GPHN: variants seen among roughly 807,000 people sequenced by gnomAD.
GPHN encodes the protein gephyrin.
Under a neutral mutation model 95.5 loss-of-function variants are expected in GPHN, and 17 were observed. The ratio of observed to expected loss-of-function variants is 0.18; its 90% CI spans 0.12 to 0.27. The LOEUF (loss-of-function observed/expected upper bound fraction) is 0.27. GPHN is among the 10% of genes least tolerant of loss of function. The pLI is 1.00. For synonymous variants in GPHN, 320 were observed against 322.5 expected, an observed-to-expected ratio of 0.99 and a Z score of 0.08; for missense variants, 660 against 978.1, an observed-to-expected ratio of 0.67 and a Z score of 4.34.
the GPHN span, among the ~76,000 whole-genome samples, chr14:67,618,878 T>A: frequency 6.6e-6 from 1 of 152,360 alleles, no homozygotes; most frequent in East Asian, 1.9e-4. Context: ...GGAGTTATGG[T>A]GTTGCCATGG....
intron 9 of GPHN, among the ~76,000 whole-genome samples, chr14:67,010,273 G>A (rs1025670982): frequency 6.5e-5 from 9 of 137,700 alleles, no homozygotes; most frequent in Non-Finnish European, 8.4e-5. Flanking sequence ...AGAATAGGCC[G>A]GGCGCGGTGG....
chr14:67,179,965 G>A (rs1182637617), intron 22 of GPHN, among the ~76,000 whole-genome samples: 1 of 152,166 alleles, frequency 6.6e-6, no homozygotes, highest in Non-Finnish European at 1.5e-5. Flanking sequence ...TGATATGTTT[G>A]TTCAACCAAT....
At chr14:66,910,039 A>G (rs1378754142) in intron 5 of GPHN, among the ~76,000 whole-genome samples, 1 of 151,954 alleles carries the variant, frequency 6.6e-6, no homozygotes. Context: ...ATCAAAATGG[A>G]TTTAATAAAT....
chr14:66,869,535 G>A (rs923555039), intron 4 of GPHN, among the ~76,000 whole-genome samples: 1 of 152,132 alleles, frequency 6.6e-6, no homozygotes, highest in African/African-American at 2.4e-5. Flanking sequence ...CCTAATTTCA[G>A]TATTCTACTT....
In GPHN at chr14:66,825,004, A is replaced by G. The variant is rs538073334; in HGVS notation, c.294+438A>G. On this transcript the variant is annotated intron_variant, in intron 4 of 22. Coordinates refer to ENST00000478722, the MANE Select transcript of GPHN (RefSeq NM_020806.5). ...ACTGATTTTACAGTACTTTTGTTGA[A>G]AAGGGATATATTTTCCACAATTCTA... Among the ~76,000 whole-genome samples the G allele has an allele frequency of 3.9e-5, 6 of 152,284 alleles. No homozygotes were observed. The East Asian group carries it at 1.2e-3, about 29-fold the overall frequency.
Position 66,583,651 on chromosome 14 carries a change from C to T in GPHN, c.64+75060C>T, listed in dbSNP as rs541395298. ...CATTTATTAAATAGGGAATCCTTTC[C>T]CCATTGCTTGTTTTTGTCAGGTTTG... On this transcript the variant is annotated intron_variant, in intron 1 of 22. Transcript: ENST00000478722. Among the ~76,000 whole-genome samples the T allele has an allele frequency of 6.6e-5, 10 of 152,186 alleles. No individual in the cohort carries two copies. The East Asian group carries it at 1.9e-3, about 29-fold the overall frequency.
intron 10 of GPHN, among the ~76,000 whole-genome samples, chr14:67,048,536 T>C (rs2075145091): frequency 1.3e-5 from 2 of 152,208 alleles, no homozygotes; most frequent in African/African-American, 4.8e-5. Context: ...GCTGTCAGTT[T>C]AGATGTTATA....
At chr14:67,279,117 G>A in the GPHN span, 4 of 1,428,490 alleles carry the variant, frequency 2.8e-6, no homozygotes, top group Non-Finnish European at 3.7e-6. Flanking sequence ...CAAGAGAATT[G>A]GCTTATAGGA....
the GPHN span, among the ~76,000 whole-genome samples, chr14:67,240,728 C>T: frequency 1.3e-5 from 2 of 152,368 alleles, no homozygotes; most frequent in Admixed American, 1.3e-4. Context: ...CCGAGGGCGC[C>T]AGCCATGCCC....
intron 1 of GPHN, among the ~76,000 whole-genome samples, chr14:66,516,173 A>ATTTTTTT (rs1415948060): frequency 7.2e-6 from 1 of 138,940 alleles, no homozygotes; most frequent in African/African-American, 2.7e-5. Context: ...TGCCTGGCTA[A>ATTTTTTT]TTTTTTTTTT....
At chr14:66,928,509 G>T (rs1297591027) in intron 8 of GPHN, among the ~76,000 whole-genome samples, 4 of 151,860 alleles carry the variant, frequency 2.6e-5, no homozygotes, top group African/African-American at 9.7e-5. Flanking sequence ...TTTTTTGTTT[G>T]TCTTAATTTC....
At chr14:66,661,374 C>T (rs984713820) in intron 1 of GPHN, among the ~76,000 whole-genome samples, 1 of 152,156 alleles carries the variant, frequency 6.6e-6, no homozygotes, top group Non-Finnish European at 1.5e-5. Flanking sequence ...AAGGGATCAC[C>T]TAGCACAGCA....
intron 1 of GPHN, among the ~76,000 whole-genome samples, chr14:66,649,383 G>A (rs992778775): frequency 1.3e-5 from 2 of 151,586 alleles, no homozygotes; most frequent in African/African-American, 4.8e-5. Flanking sequence ...CCGGACCATG[G>A]ACCAGTAGCA....
the GPHN span, among the ~76,000 whole-genome samples, chr14:67,291,434 G>A: frequency 4.6e-5 from 7 of 151,952 alleles, no homozygotes; most frequent in East Asian, 1.9e-4. Flanking sequence ...ACAGGTGCCC[G>A]CCACTGTTCC....
At chr14:66,839,437 C>G (rs370712173) in intron 4 of GPHN, among the ~76,000 whole-genome samples, 1 of 152,146 alleles carries the variant, frequency 6.6e-6, no homozygotes, top group African/African-American at 2.4e-5. Flanking sequence ...AATATCCTTA[C>G]GTGGAATAAT....
chr14:67,180,821 C>T lies in GPHN; in HGVS notation c.2194C>T (p.Arg732Cys). 6.2e-7 allele frequency: 1 copy of T among 1,613,544 alleles called. No homozygotes were observed. The highest frequency in any genetic ancestry group is 8.5e-7 in the Non-Finnish European group (1 of 1,179,698). Residue 732 changes from arginine to cysteine, a missense_variant, in exon 23 of 23, where the codon CGT (arginine) becomes TGT (cysteine). Transcript: ENST00000478722. ...CTTTCTAGGTAATCAAATGAGCAGC[C>T]GTCTGATGAGCATGCGCAGTGCCAA... ...AQSTGNQMSS[R>C]LMSMRSANGL...
chr14:67,666,892 T>C, the GPHN span, among the ~76,000 whole-genome samples: 1 of 152,256 alleles, frequency 6.6e-6, no homozygotes, highest in Admixed American at 6.5e-5. Context: ...GTATAGCCTT[T>C]AACAACTGGT....
At chr14:67,293,932 A>G in the GPHN span, among the ~76,000 whole-genome samples, 5 of 152,204 alleles carry the variant, frequency 3.3e-5, no homozygotes, top group Non-Finnish European at 7.4e-5. Context: ...CTCCAATTGA[A>G]AAAAGCTGAC....
the GPHN span, chr14:67,581,841 A>G: frequency 2.0e-6 from 1 of 503,042 alleles, no homozygotes; most frequent in Non-Finnish European, 3.6e-6. Context: ...GCTTAATGGT[A>G]TCTTCAGAAT....
Sources: allele counts gnomAD v4.1 joint callset (sites outside exome capture counted in the v4.1 genomes callset), GRCh38; gene constraint gnomAD v4.1.1; transcripts MANE v1.5; gene names NCBI Gene and HGNC (gene_info 2026-07-23, HGNC 2026-07-21).